Variants in CACNA1A observed in about 807,000 individuals in gnomAD.
The protein encoded by CACNA1A is voltage-dependent P/Q-type calcium channel subunit alpha-1A.
CACNA1A carries 57 observed loss-of-function variants against 262.4 expected under a neutral mutation model. That is an observed-to-expected ratio of 0.22 (90% CI 0.18 to 0.27). CACNA1A has a LOEUF of 0.27. Ranked by LOEUF, CACNA1A falls within the 10% of genes least tolerant of loss-of-function variation. The pLI, the probability that CACNA1A is intolerant of heterozygous loss-of-function variation, is 1.00. For synonymous variants in CACNA1A, 1,431 were observed against 1,419.3 expected, an observed-to-expected ratio of 1.01 and a Z score of -0.18; for missense variants, 2,526 against 3,562.8, an observed-to-expected ratio of 0.71 and a Z score of 7.41.
chr19:13,274,377 T>C (rs2057097616), intron 24 of CACNA1A: 1 of 152,130 alleles, frequency 6.6e-6, no homozygotes, highest in African/African-American at 2.4e-5. Context: ...CAAGTCCTCA[T>C]TGTTTGGTGA....
Position 13,286,850 on chromosome 19 carries a change from T to C in CACNA1A, c.3206A>G (p.Lys1069Arg). 6.2e-7 allele frequency: 1 copy of C among 1,613,828 alleles called. No individual in the cohort carries two copies. The highest frequency in any genetic ancestry group is 8.5e-7 in the Non-Finnish European group (1 of 1,179,872). The change falls in exon 20 of 47, where the codon AAG becomes AGG. Residue 1069 changes from lysine (K) to arginine (R), a missense_variant. Physicochemically the swap from Lys to Arg is conservative, Grantham distance 26. Coordinates refer to ENST00000360228, the MANE Select transcript of CACNA1A (RefSeq NM_001127222.2). ...CTCCGCGGTGGCCAGCTTGTTGTTC[T>C]TCATGTTGTCAATATCCTCTGCCAG... ...PPLAEDIDNM[K>R]NNKLATAESA...
At chr19:13,258,223 T>C (rs2056626092) in intron 27 of CACNA1A, 1 of 152,104 alleles carries the variant, frequency 6.6e-6, no homozygotes, top group Non-Finnish European at 1.5e-5. Flanking sequence ...CACTTATAAG[T>C]GGCCAAGTTG....
intron 19 of CACNA1A, among the ~76,000 whole-genome samples, chr19:13,296,973 G>C (rs958384163): frequency 1.3e-5 from 2 of 151,796 alleles, no homozygotes; most frequent in Admixed American, 1.3e-4. Flanking sequence ...TGCCCAGACT[G>C]GTCTCCAACT....
intron 6 of CACNA1A, among the ~76,000 whole-genome samples, chr19:13,354,295 T>C (rs2058966606): frequency 2.6e-5 from 4 of 152,198 alleles, no homozygotes; most frequent in African/African-American, 9.6e-5. Flanking sequence ...GTAAATGGAG[T>C]TGGCTGGCAA....
intron 6 of CACNA1A, among the ~76,000 whole-genome samples, chr19:13,338,888 C>T (rs1195212744): frequency 2.0e-5 from 3 of 151,606 alleles, no homozygotes; most frequent in African/African-American, 2.4e-5. Flanking sequence ...TTTTTTGAGA[C>T]GGAGTCTTAC....
At chr19:13,479,333 C>A (rs1978966326) in intron 1 of CACNA1A, among the ~76,000 whole-genome samples, 1 of 152,046 alleles carries the variant, frequency 6.6e-6, no homozygotes, top group Non-Finnish European at 1.5e-5. Context: ...GAGAAGGTGG[C>A]CTTTGAGTGA....
intron 24 of CACNA1A, among the ~76,000 whole-genome samples, chr19:13,270,959 C>T (rs1265632911): frequency 6.6e-6 from 1 of 152,168 alleles, no homozygotes; most frequent in Non-Finnish European, 1.5e-5. Flanking sequence ...GACAGGATGG[C>T]CTGAAATCCC....
In CACNA1A at chr19:13,253,009, G is replaced by A. The variant is rs528301393; in HGVS notation, c.4848C>T (p.Val1616=). The change falls in exon 30 of 47, where the codon GTC becomes GTT. Residue 1616 remains valine, a synonymous_variant. Transcript: ENST00000360228. ...SLFSLECVLK[V]MAFGILNYFR... ...TACTTACCAGAATCCCAAAAGCCAT[G>A]ACTTTCAGCACACATTCCAGAGAGA... 3 of 1,612,356 alleles carry A rather than the reference G, an allele frequency of 1.9e-6. No homozygotes were observed. Among genetic ancestry groups the A allele is most frequent in the Admixed American group, 1.7e-5 (1 of 59,998 alleles).
At position 13,210,176 on chromosome 19, in the gene CACNA1A, C is replaced by A. The variant is rs182958777; in HGVS notation, c.6339+441G>T. 3.6e-3 allele frequency among the ~76,000 whole-genome samples: 555 copies of A among 152,310 alleles called. 4 individuals are homozygous for A. The highest frequency in any genetic ancestry group is 0.013 in the African/African-American group (531 of 41,576). On this transcript the variant is annotated intron_variant, in intron 44 of 46. Coordinates refer to ENST00000360228, the MANE Select transcript of CACNA1A (RefSeq NM_001127222.2). ...AAGCCCTGACACACAGGTTTCTCTG[C>A]AGCAGGCAGAGGAGGGAAGGAGGGA...
At chr19:13,346,633 TATATATATATATATATATATATATA>T (rs2058771624) in intron 6 of CACNA1A, among the ~76,000 whole-genome samples, 1 of 3,488 alleles carries the variant, frequency 2.9e-4, no homozygotes, top group Non-Finnish European at 5.7e-4. Context: ...TATATATATA[TATATATATATATATATATATATATA>T]TATATATATT....
At chr19:13,228,863 G>C in intron 36 of CACNA1A, 2 of 830,930 alleles carry the variant, frequency 2.4e-6, no homozygotes, top group Non-Finnish European at 3.9e-6. Context: ...CACACAGCGA[G>C]GTCATGATGC....
At chr19:13,418,200 T>G (rs891318239) in intron 3 of CACNA1A, among the ~76,000 whole-genome samples, 1 of 152,140 alleles carries the variant, frequency 6.6e-6, no homozygotes, top group Non-Finnish European at 1.5e-5. Context: ...TTTGTTAATG[T>G]ATGAAAAGTC....
chr19:13,497,357 C>A (rs1981652552), intron 1 of CACNA1A, among the ~76,000 whole-genome samples: 1 of 148,834 alleles, frequency 6.7e-6, no homozygotes, highest in Admixed American at 6.7e-5. Flanking sequence ...AACAAACAAA[C>A]AATCCCCCAC....
intron 1 of CACNA1A, among the ~76,000 whole-genome samples, chr19:13,482,027 AT>A (rs530137954): frequency 1.8e-4 from 27 of 152,262 alleles, no homozygotes; most frequent in Admixed American, 1.6e-3. Context: ...TTGGCATAGA[AT>A]TTATCTCCCT....
At chr19:13,414,667 T>C (rs767280093) in intron 3 of CACNA1A, among the ~76,000 whole-genome samples, 6 of 151,796 alleles carry the variant, frequency 4.0e-5, no homozygotes, top group East Asian at 1.9e-4. Context: ...ACTCAAGAAA[T>C]AGAAGCTCTG....
intron 30 of CACNA1A, among the ~76,000 whole-genome samples, chr19:13,251,813 G>A (rs2056406620): frequency 6.6e-6 from 1 of 152,086 alleles, no homozygotes; most frequent in Admixed American, 6.6e-5. Context: ...TGCTCAGGCT[G>A]GAGTGCAGTG....
At chr19:13,389,572 C>CT (rs2059677230) in intron 3 of CACNA1A, among the ~76,000 whole-genome samples, 1 of 152,122 alleles carries the variant, frequency 6.6e-6, no homozygotes, top group Admixed American at 6.6e-5. Flanking sequence ...TTGGCTTATT[C>CT]ACATATTTTT....
At chr19:13,350,393 T>C (rs1600398064) in intron 6 of CACNA1A, among the ~76,000 whole-genome samples, 1 of 152,184 alleles carries the variant, frequency 6.6e-6, no homozygotes, top group Non-Finnish European at 1.5e-5. Context: ...AGTTTCACCT[T>C]GGGGAGGAAA....
At chr19:13,304,899 A>C (rs2057870767) in intron 15 of CACNA1A, among the ~76,000 whole-genome samples, 1 of 152,222 alleles carries the variant, frequency 6.6e-6, no homozygotes, top group African/African-American at 2.4e-5. Flanking sequence ...CTGCCTGAGC[A>C]GACTAAGACA....
Sources: allele counts gnomAD v4.1 joint callset (sites outside exome capture counted in the v4.1 genomes callset), GRCh38; gene constraint gnomAD v4.1.1; transcripts MANE v1.5; gene names NCBI Gene and HGNC (gene_info 2026-07-23, HGNC 2026-07-21).